PPME1: variants seen among roughly 807,000 people sequenced by gnomAD.
PPME1 encodes protein phosphatase methylesterase 1, also known as testicular secretory protein Li 39.
A neutral mutation model predicts 56.9 loss-of-function variants in PPME1; 17 were observed. That is an observed-to-expected ratio of 0.30 (90% CI 0.20 to 0.45). PPME1 has a LOEUF of 0.45. Among genes scored for constraint, PPME1 ranks in the 20% least tolerant of loss-of-function variants. The pLI, the probability that PPME1 is intolerant of heterozygous loss-of-function variation, is 1.00. For synonymous variants in PPME1, 122 were observed against 156.2 expected (o/e 0.78, Z 1.63); for missense variants, 357 against 483.2 (o/e 0.74, Z 2.45).
chr11:74,175,232 G>A (rs996292922), intron 1 of PPME1, among the ~76,000 whole-genome samples: 1 of 152,176 alleles, frequency 6.6e-6, no homozygotes, highest in African/African-American at 2.4e-5. Flanking sequence ...GCCAGGTGTG[G>A]TGGCTCATGC....
At chr11:74,188,563 G>A (rs184349539) in intron 1 of PPME1, among the ~76,000 whole-genome samples, 1 of 152,162 alleles carries the variant, frequency 6.6e-6, no homozygotes, top group African/African-American at 2.4e-5. Flanking sequence ...TAAGATTATA[G>A]GGTTTTTTAC....
chr11:74,207,140 T>C (rs997151204), intron 3 of PPME1, among the ~76,000 whole-genome samples: 2 of 152,160 alleles, frequency 1.3e-5, no homozygotes, highest in African/African-American at 4.8e-5. Context: ...TTGACACACA[T>C]AGGCAGAAAT....
In PPME1 at chr11:74,239,133, G is replaced by A; in HGVS notation, c.711G>A (p.Gln237=). The A allele has an allele frequency of 6.2e-7, 1 of 1,611,230 alleles. No homozygotes were observed. Among genetic ancestry groups the A allele is most frequent in the South Asian group, 1.1e-5 (1 of 90,796 alleles). Residue 237 remains glutamine, a splice_region_variant and synonymous_variant, in exon 9 of 14, where the codon CAG becomes CAA. Transcript: ENST00000328257. ...ATAGCACTTTTTTAAAAAAACCTAGGTGTGAAGGAATTACAAGTCCAGAAG... is the reference window on the plus strand; with the variant it reads ...ATAGCACTTTTTTAAAAAAACCTAGATGTGAAGGAATTACAAGTCCAGAAG... ...ARVSMVGQVK[Q]CEGITSPEGS...
intron 1 of PPME1, among the ~76,000 whole-genome samples, chr11:74,178,075 G>T (rs1327822478): frequency 1.3e-5 from 2 of 152,102 alleles, no homozygotes; most frequent in African/African-American, 2.4e-5. Flanking sequence ...GATGTTCCAG[G>T]GTTCATTCAG....
At chr11:74,238,206 A>G (rs936776174) in intron 8 of PPME1, 1 of 151,582 alleles carries the variant, frequency 6.6e-6, no homozygotes, top group Non-Finnish European at 1.5e-5. Context: ...ACTGTATACT[A>G]CATGTGAAAC....
At chr11:74,205,982 A>C (rs1858317758) in intron 3 of PPME1, 1 of 152,240 alleles carries the variant, frequency 6.6e-6, no homozygotes, top group African/African-American at 2.4e-5. Flanking sequence ...ATGTTGAAGT[A>C]ATTATATTGA....
At chr11:74,228,317 A>G (rs1361568849) in intron 5 of PPME1, among the ~76,000 whole-genome samples, 1 of 151,946 alleles carries the variant, frequency 6.6e-6, no homozygotes, top group Non-Finnish European at 1.5e-5. Context: ...CTGTGTTACT[A>G]CTCTAAAGAC....
At chr11:74,214,633 G>A (rs1858576420) in intron 3 of PPME1, among the ~76,000 whole-genome samples, 1 of 151,732 alleles carries the variant, frequency 6.6e-6, no homozygotes, top group Non-Finnish European at 1.5e-5. Context: ...AGACTTCTCA[G>A]TGAAAACCTT....
chr11:74,228,145 T>TA lies in PPME1; in HGVS notation c.399-2087dup, dbSNP rs568949797. On this transcript the variant is annotated intron_variant, in intron 5 of 13. Coordinates refer to ENST00000328257, the MANE Select transcript of PPME1 (RefSeq NM_016147.3). ...ATGTTTTAAACTTTAGTCTTTTCTTTAAAAAAAAAAAAACAGTTTGCCCCC... is the reference window on the plus strand; with the variant it reads ...ATGTTTTAAACTTTAGTCTTTTCTTTAAAAAAAAAAAAAACAGTTTGCCCCC... Among the ~76,000 whole-genome samples, 626 of 142,506 alleles carry TA rather than the reference T, an allele frequency of 4.4e-3. 4 individuals carry two copies. Among genetic ancestry groups the TA allele is most frequent in the Middle Eastern group, 7.1e-3 (2 of 280 alleles). The allele number at this position is 142,506 out of a possible 152,430, so 93.5% of individuals were successfully genotyped here.
intron 3 of PPME1, among the ~76,000 whole-genome samples, chr11:74,214,376 G>T (rs185882413): frequency 6.6e-6 from 1 of 152,282 alleles, no homozygotes; most frequent in Admixed American, 6.5e-5. Context: ...TGGTCTTAAA[G>T]AGGAGGTAGA....
At chr11:74,225,068 A>G (rs1858899552) in intron 4 of PPME1, 137 bp from the exon 5 acceptor site, 1 of 575,442 alleles carries the variant, frequency 1.7e-6, no homozygotes, top group African/African-American at 1.9e-5. Context: ...TTCTGAAGAA[A>G]ATCCTTGCTA....
At chr11:74,193,217 TA>T (rs1256663497) in intron 1 of PPME1, among the ~76,000 whole-genome samples, 3 of 152,248 alleles carry the variant, frequency 2.0e-5, no homozygotes, top group African/African-American at 7.2e-5. Flanking sequence ...TAGTAACGTG[TA>T]AGTTCAATCA....
chr11:74,196,764 A>G (rs1223918690), intron 1 of PPME1, among the ~76,000 whole-genome samples: 1 of 152,228 alleles, frequency 6.6e-6, no homozygotes, highest in African/African-American at 2.4e-5. Context: ...GTGTTCTGCT[A>G]CAAGGGTTTG....
At chr11:74,218,846 A>G (rs1039721310) in intron 3 of PPME1, among the ~76,000 whole-genome samples, 1 of 152,148 alleles carries the variant, frequency 6.6e-6, no homozygotes, top group African/African-American at 2.4e-5. Flanking sequence ...TTTTTGAGTA[A>G]TACCCAACAA....
chr11:74,226,937 G>A (rs1858945983), intron 5 of PPME1, among the ~76,000 whole-genome samples: 1 of 152,130 alleles, frequency 6.6e-6, no homozygotes, highest in Non-Finnish European at 1.5e-5. Flanking sequence ...AGTACACCCA[G>A]GGTTGAGATC....
At chr11:74,171,558 G>A in intron 1 of PPME1, 36 bp downstream of exon 1, 1 of 1,567,628 alleles carries the variant, frequency 6.4e-7, no homozygotes, top group Non-Finnish European at 8.7e-7. Flanking sequence ...TATGGGCCAG[G>A]CCCCAGCCGT....
intron 13 of PPME1, among the ~76,000 whole-genome samples, chr11:74,252,035 C>T (rs1275876370): frequency 2.6e-5 from 4 of 151,704 alleles, no homozygotes; most frequent in African/African-American, 9.7e-5. Flanking sequence ...TTCCAGGCTC[C>T]TAGAGAAGTT....
intron 3 of PPME1, among the ~76,000 whole-genome samples, chr11:74,207,099 A>G (rs1279639441): frequency 6.6e-6 from 1 of 150,702 alleles, no homozygotes; most frequent in African/African-American, 2.5e-5. Context: ...ACCTAAGAGG[A>G]AAGATTCAGG....
In PPME1 at chr11:74,232,873, T is replaced by C. The variant is rs565823066; in HGVS notation, c.644+1871T>C. Reference sequence around the variant, plus strand: ...TTTTGTTATTTGATTTTTTTTTTTTTTTTTTTTTTGTAGAGACAGGGTTTT... The same window carrying C: ...TTTTGTTATTTGATTTTTTTTTTTTCTTTTTTTTTGTAGAGACAGGGTTTT... On this transcript the variant is annotated intron_variant, in intron 7 of 13. Transcript: ENST00000328257. Among the ~76,000 whole-genome samples the C allele has an allele frequency of 1.8e-4, 26 of 147,972 alleles. No homozygotes were observed. In the South Asian group the frequency reaches 5.4e-3, roughly 31 times the overall value.
Sources: gnomAD v4.1 joint callset for allele counts (sites outside exome capture counted in the v4.1 genomes callset) on GRCh38, gnomAD v4.1.1 for gene constraint, MANE v1.5 for transcripts, NCBI Gene and HGNC (gene_info 2026-07-23, HGNC 2026-07-21) for gene names.